The following MSRA variants were observed in gnomAD, a reference collection of about 807,000 sequenced individuals.
MSRA encodes mitochondrial peptide methionine sulfoxide reductase.
A neutral mutation model predicts 31.3 loss-of-function variants in MSRA; 54 were observed. The ratio of observed to expected loss-of-function variants is 1.73; its 90% CI spans 1.39 to 2.17. MSRA has a LOEUF of 2.17. Among genes scored for constraint, MSRA ranks in the 30% most tolerant of loss-of-function variants. The probability of loss-of-function intolerance (pLI) is 0.00; values close to 1 mark genes in which losing one functional copy is unlikely to be tolerated. For synonymous variants in MSRA, 169 were observed against 116.5 expected (o/e 1.45, Z -2.90); for missense variants, 507 against 300.9 (o/e 1.69, Z -5.07).
At position 10,092,244 on chromosome 8, in the gene MSRA, G is replaced by T. The variant is rs188300140; in HGVS notation, c.142+37586G>T. ...CCTTTCTTTTTTTGGTCTGTATTGA[G>T]TTCTACTTTTATTCCATTGTGGTTG... On this transcript the variant is annotated intron_variant, in intron 1 of 5. Transcript: ENST00000317173. 2.0e-5 allele frequency among the ~76,000 whole-genome samples: 3 copies of T among 152,004 alleles called. No individual in the cohort carries two copies. In the East Asian group the frequency reaches 5.8e-4, roughly 29 times the overall value.
At chr8:10,205,002 G>A (rs577231288) in intron 1 of MSRA, among the ~76,000 whole-genome samples, 1 of 152,172 alleles carries the variant, frequency 6.6e-6, no homozygotes, top group South Asian at 2.1e-4. Context: ...TGGTCCTGAG[G>A]GATCAGGGTG....
chr8:10,388,457 C>G (rs960957147), intron 5 of MSRA, among the ~76,000 whole-genome samples: 4 of 152,280 alleles, frequency 2.6e-5, no homozygotes, highest in Middle Eastern at 6.8e-3. Context: ...TGCAGTTTCT[C>G]AAAATAATCA....
chr8:10,289,017 AC>A (rs1800087870), intron 3 of MSRA, among the ~76,000 whole-genome samples: 1 of 146,810 alleles, frequency 6.8e-6, no homozygotes. Flanking sequence ...GAATTATTTT[AC>A]TTTATCTTAT....
intron 4 of MSRA, among the ~76,000 whole-genome samples, chr8:10,303,638 A>T (rs1800968127): frequency 1.3e-5 from 2 of 152,128 alleles, no homozygotes; most frequent in Admixed American, 6.5e-5. Context: ...GGACCCCTCC[A>T]ATCTGTGGTC....
chr8:10,385,638 C>T (rs112210091), intron 5 of MSRA, among the ~76,000 whole-genome samples: 2 of 152,122 alleles, frequency 1.3e-5, no homozygotes, highest in Non-Finnish European at 2.9e-5. Flanking sequence ...GTGGGGGACA[C>T]ATGGCATTTG....
intron 3 of MSRA, among the ~76,000 whole-genome samples, chr8:10,287,274 C>T (rs747560507): frequency 1.7e-4 from 26 of 152,164 alleles, no homozygotes; most frequent in Non-Finnish European, 1.8e-4. Flanking sequence ...ACCTACTGGG[C>T]CCTGAATGAC....
chr8:10,110,172 A>G (rs1037085485), intron 1 of MSRA, among the ~76,000 whole-genome samples: 1 of 152,172 alleles, frequency 6.6e-6, no homozygotes. Flanking sequence ...CCACGCTAAC[A>G]CCATCACATT....
At chr8:10,190,911 A>G (rs1422367898) in intron 1 of MSRA, among the ~76,000 whole-genome samples, 1 of 151,920 alleles carries the variant, frequency 6.6e-6, no homozygotes, top group Non-Finnish European at 1.5e-5. Context: ...GAGGGAGACC[A>G]GAGTGTAGTG....
At chr8:10,313,359 C>T (rs1228879353) in intron 4 of MSRA, among the ~76,000 whole-genome samples, 2 of 151,994 alleles carry the variant, frequency 1.3e-5, no homozygotes, top group Non-Finnish European at 2.9e-5. Flanking sequence ...TTATTAACTG[C>T]TTTGCATGAT....
At chr8:10,346,414 G>C (rs1348500855) in intron 5 of MSRA, among the ~76,000 whole-genome samples, 4 of 152,106 alleles carry the variant, frequency 2.6e-5, no homozygotes, top group African/African-American at 4.8e-5. Flanking sequence ...CCACTCTAGG[G>C]ACTGTGCATC....
chr8:10,427,369 C>G (rs754791438), intron 5 of MSRA, among the ~76,000 whole-genome samples: 2 of 152,214 alleles, frequency 1.3e-5, no homozygotes, highest in African/African-American at 2.4e-5. Flanking sequence ...CAAATAGCCC[C>G]TCTCTCCTTT....
At chr8:10,366,680 G>A (rs890517936) in intron 5 of MSRA, among the ~76,000 whole-genome samples, 4 of 152,162 alleles carry the variant, frequency 2.6e-5, no homozygotes, top group African/African-American at 9.7e-5. Flanking sequence ...TGCTACACTG[G>A]CCAGGCTTCG....
intron 2 of MSRA, among the ~76,000 whole-genome samples, chr8:10,224,843 C>T (rs1374222144): frequency 6.6e-6 from 1 of 152,134 alleles, no homozygotes; most frequent in East Asian, 1.9e-4. Context: ...CTCTCCTAGC[C>T]TTTTTTAAAT....
chr8:10,222,905 A>G (rs1172929200), intron 2 of MSRA, among the ~76,000 whole-genome samples: 2 of 152,216 alleles, frequency 1.3e-5, no homozygotes, highest in East Asian at 1.9e-4. Context: ...CTTGGTGACT[A>G]TAGTTAATAA....
At chr8:10,112,032 G>GTT (rs35107647) in intron 1 of MSRA, among the ~76,000 whole-genome samples, 29,317 of 106,076 alleles carry the variant, frequency 0.28, 3,846 homozygotes, top group East Asian at 0.68. Flanking sequence ...TTAAGACTCA[G>GTT]TTTTTTTTTT....
intron 1 of MSRA, among the ~76,000 whole-genome samples, chr8:10,072,268 G>T (rs1797772516): frequency 6.6e-6 from 1 of 151,846 alleles, no homozygotes; most frequent in Admixed American, 6.6e-5. Flanking sequence ...CTGAGTGGGG[G>T]CTGAAAGGCT....
At chr8:10,057,646 C>A (rs1277323584) in intron 1 of MSRA, among the ~76,000 whole-genome samples, 2 of 152,182 alleles carry the variant, frequency 1.3e-5, no homozygotes, top group Non-Finnish European at 2.9e-5. Flanking sequence ...TGGACTTTCC[C>A]CTTGCTGTTC....
At chr8:10,208,008 G>T (rs1585171442) in intron 2 of MSRA, 107 bp downstream of exon 2, 2 of 795,070 alleles carry the variant, frequency 2.5e-6, no homozygotes, top group East Asian at 2.8e-5. Flanking sequence ...GGCTCTTCTA[G>T]ATATTTACAA....
chr8:10,414,589 G>C (rs933604166), intron 5 of MSRA, among the ~76,000 whole-genome samples: 4 of 152,212 alleles, frequency 2.6e-5, no homozygotes, highest in African/African-American at 7.2e-5. Context: ...CAGTTCTTCT[G>C]TGAATGAGAA....
Sources: allele counts gnomAD v4.1 joint callset (sites outside exome capture counted in the v4.1 genomes callset), GRCh38; gene constraint gnomAD v4.1.1; transcripts MANE v1.5; gene names NCBI Gene and HGNC (gene_info 2026-07-23, HGNC 2026-07-21).